Variants in MYO18B observed in about 807,000 individuals in gnomAD.
The protein encoded by MYO18B is myosin XVIIIB, also known as unconventional myosin-XVIIIb.
A neutral mutation model predicts 273.0 loss-of-function variants in MYO18B; 204 were observed. The ratio of observed to expected loss-of-function variants is 0.75; its 90% CI spans 0.67 to 0.84. The LOEUF is 0.84. MYO18B is among the 40% of genes least tolerant of loss of function. The pLI is 0.00. For missense variants in MYO18B, 3,212 were observed against 3,287.6 expected, an observed-to-expected ratio of 0.98 and a Z score of 0.56; for synonymous variants, 1,330 against 1,305.7, an observed-to-expected ratio of 1.02 and a Z score of -0.40.
rs200512148 is a variant in MYO18B at position 26,026,466 on chromosome 22, C to G, written c.6492C>G (p.Asp2164Glu). 4.8e-5 allele frequency: 77 copies of G among 1,612,564 alleles called. 1 individual carries two copies. Among genetic ancestry groups the G allele is most frequent in the Admixed American group, 3.3e-5 (2 of 59,950 alleles). ...LSPRINEEAG[D>E]TERTQSALAL... ...ACAGGATAAACGAAGAGGCTGGGGA[C>G]ACTGAGAGGACCCAGTCGGCATTGG... Residue 2164 changes from aspartate to glutamate, a missense_variant, in exon 43 of 44, where the codon GAC becomes GAG. Transcript: ENST00000335473.
At chr22:25,812,678 C>A (rs73401998) in intron 12 of MYO18B, among the ~76,000 whole-genome samples, 2,764 of 152,258 alleles carry the variant, frequency 0.018, 77 homozygotes, top group African/African-American at 0.055. Flanking sequence ...TCTGCCAGTT[C>A]CCATAGAGAT....
intron 43 of MYO18B, among the ~76,000 whole-genome samples, chr22:26,028,854 C>A (rs1040376771): frequency 6.9e-6 from 1 of 145,822 alleles, no homozygotes; most frequent in African/African-American, 2.6e-5. Context: ...CGCCACTGCA[C>A]TCCAGCCTGG....
intron 17 of MYO18B, among the ~76,000 whole-genome samples, chr22:25,840,951 A>G (rs181586101): frequency 1.3e-5 from 2 of 152,340 alleles, no homozygotes; most frequent in African/African-American, 4.8e-5. Flanking sequence ...TTTTGGTTAA[A>G]AAGAAAAAAT....
At chr22:25,774,391 C>T (rs2086837664) in intron 7 of MYO18B, among the ~76,000 whole-genome samples, 1 of 152,200 alleles carries the variant, frequency 6.6e-6, no homozygotes, top group Non-Finnish European at 1.5e-5. Flanking sequence ...TCCACATTGC[C>T]GAGGGACTCC....
At chr22:26,021,615 C>T (rs1395214218) in intron 42 of MYO18B, among the ~76,000 whole-genome samples, 1 of 152,214 alleles carries the variant, frequency 6.6e-6, no homozygotes, top group Non-Finnish European at 1.5e-5. Flanking sequence ...TTCTTATCTC[C>T]ACAGCATTGC....
intron 23 of MYO18B, among the ~76,000 whole-genome samples, chr22:25,875,285 G>T (rs1263313281): frequency 2.6e-5 from 4 of 152,222 alleles, no homozygotes; most frequent in African/African-American, 9.6e-5. Flanking sequence ...CACTGGGCAT[G>T]TGACTTTACC....
At chr22:25,860,722 T>C (rs1202626620) in intron 21 of MYO18B, among the ~76,000 whole-genome samples, 1 of 152,244 alleles carries the variant, frequency 6.6e-6, no homozygotes, top group Non-Finnish European at 1.5e-5. Context: ...AATTTATTTT[T>C]GTTTGTTTTA....
Position 25,805,351 on chromosome 22 carries a change from G to T in MYO18B, c.2521+7254G>T, listed in dbSNP as rs368092779. On this transcript the variant is annotated intron_variant, in intron 12 of 43. Coordinates refer to ENST00000335473, the MANE Select transcript of MYO18B (RefSeq NM_032608.7). ...TCCAAGGCCTCTTCCTTCCACTGCA[G>T]CATGCAAAAAGGATGGTCAAAGGAC... 1.4e-3 allele frequency among the ~76,000 whole-genome samples: 208 copies of T among 152,310 alleles called. 9 individuals carry two copies. The South Asian group carries it at 0.042, about 31-fold the overall frequency.
At chr22:26,025,745 A>G (rs1194555430) in intron 42 of MYO18B, among the ~76,000 whole-genome samples, 1 of 152,120 alleles carries the variant, frequency 6.6e-6, no homozygotes, top group Admixed American at 6.5e-5. Context: ...TACAGTCTAT[A>G]ATTTGGTCCC....
At chr22:25,897,284 A>T (rs1031935496) in intron 28 of MYO18B, 1 of 152,216 alleles carries the variant, frequency 6.6e-6, no homozygotes. Flanking sequence ...CGTGAGCAAA[A>T]AGTATCATGT....
chr22:25,910,587 G>A (rs758744307), intron 32 of MYO18B, among the ~76,000 whole-genome samples: 46 of 152,252 alleles, frequency 3.0e-4, no homozygotes, highest in Non-Finnish European at 5.6e-4. Flanking sequence ...TTGATATGTT[G>A]GTTATAATAT....
intron 11 of MYO18B, among the ~76,000 whole-genome samples, chr22:25,790,898 T>A (rs1307895104): frequency 6.6e-6 from 1 of 152,114 alleles, no homozygotes; most frequent in Non-Finnish European, 1.5e-5. Context: ...TCAGTCATTG[T>A]GGGCAGCCTG....
At position 25,787,800 on chromosome 22, in the gene MYO18B, C is replaced by T. The variant is rs577385492; in HGVS notation, c.2376+2309C>T. ...TGTTCTTTTTTCATACCCTTTACCCCGTGATCTGGGGTCATGAGGAGCCCA... is the reference window on the plus strand; with the variant it reads ...TGTTCTTTTTTCATACCCTTTACCCTGTGATCTGGGGTCATGAGGAGCCCA... On this transcript the variant is annotated intron_variant, in intron 11 of 43. Transcript: ENST00000335473. Among the ~76,000 whole-genome samples, 15 of 152,180 alleles carry T rather than the reference C, an allele frequency of 9.9e-5. No individual in the cohort carries two copies. The East Asian group carries it at 1.7e-3, about 18-fold the overall frequency.
rs1169921526 is a variant in MYO18B, at chr22:25,868,352, G to A, written c.3918G>A (p.Leu1306=). ...AVEELLETLD[L]EKKAVAVGHS... The stretch of plus-strand genomic sequence containing the variant: ...AGGAGCTCCTGGAGACCCTGGATCT[G>A]GAAAAGAAGGCGGTGGCTGTGGGGC... The change falls in exon 22 of 44, where the codon CTG becomes CTA. Residue 1306 remains leucine (L), a synonymous_variant. Transcript: ENST00000335473. 6.2e-7 allele frequency: 1 copy of A among 1,603,920 alleles called. No homozygotes were observed. Among genetic ancestry groups the A allele is most frequent in the African/African-American group, 1.3e-5 (1 of 74,816 alleles).
intron 34 of MYO18B, among the ~76,000 whole-genome samples, chr22:25,932,197 C>G (rs2092512972): frequency 6.6e-6 from 1 of 152,154 alleles, no homozygotes; most frequent in Non-Finnish European, 1.5e-5. Flanking sequence ...GTTTTTCACC[C>G]AGATTCATCA....
chr22:25,913,424 T>C (rs141402900), intron 33 of MYO18B, among the ~76,000 whole-genome samples: 1,549 of 152,328 alleles, frequency 0.01, 31 homozygotes, highest in African/African-American at 0.035. Context: ...AGTGCAGTGG[T>C]GTGATCTGGG....
rs571003888 is a variant in MYO18B, at chr22:25,763,273, C to G, written c.82C>G (p.Pro28Ala). ...GAGCCCTCCACCATCCTCGCCCCCT[C>G]CTCTTTTCTCTGTCATCCCAGGGGG... is the stretch of plus-strand genomic sequence containing the variant. ...DKSPPPSSPP[P>A]LFSVIPGGFI... The change falls in exon 3 of 44, where the codon CCT becomes GCT. Residue 28 changes from proline to alanine, a missense_variant. Coordinates refer to ENST00000335473, the MANE Select transcript of MYO18B (RefSeq NM_032608.7). 6.2e-7 allele frequency: 1 copy of G among 1,612,122 alleles called. No homozygotes were observed. The highest frequency in any genetic ancestry group is 1.1e-5 in the South Asian group (1 of 90,944).
At chr22:25,766,294 G>T (rs370928966) in intron 3 of MYO18B, among the ~76,000 whole-genome samples, 1 of 152,000 alleles carries the variant, frequency 6.6e-6, no homozygotes, top group East Asian at 1.9e-4. Context: ...TTGTTCCTTC[G>T]GAGGATTAAA....
At chr22:25,822,002 T>C (rs1360650061) in intron 12 of MYO18B, among the ~76,000 whole-genome samples, 1 of 152,220 alleles carries the variant, frequency 6.6e-6, no homozygotes, top group Non-Finnish European at 1.5e-5. Flanking sequence ...CTAATCTGCT[T>C]TTCACTTAGC....
Sources: allele counts gnomAD v4.1 joint callset (sites outside exome capture counted in the v4.1 genomes callset), GRCh38; gene constraint gnomAD v4.1.1; transcripts MANE v1.5; gene names NCBI Gene and HGNC (gene_info 2026-07-23, HGNC 2026-07-21).